Variants in FER observed in about 807,000 individuals in gnomAD.
FER encodes the protein FER tyrosine kinase.
Under a neutral mutation model 111.0 loss-of-function variants are expected in FER, and 63 were observed. The ratio of observed to expected loss-of-function variants is 0.57; its 90% confidence interval spans 0.46 to 0.70. The LOEUF (loss-of-function observed/expected upper bound fraction) is 0.70, where lower values mean the gene tolerates loss of function less well. Among genes scored for constraint, FER ranks in the 30% least tolerant of loss-of-function variants. The pLI is 0.00. For missense variants in FER, 914 were observed against 954.0 expected (o/e 0.96, Z 0.55); for synonymous variants, 327 against 313.9 (o/e 1.04, Z -0.44).
chr5:108,935,181 CT>C (rs1201332354), intron 10 of FER, among the ~76,000 whole-genome samples: 3 of 152,058 alleles, frequency 2.0e-5, no homozygotes, highest in Non-Finnish European at 4.4e-5. Context: ...ACAGAAATTT[CT>C]TCTTTCACAG....
chr5:109,001,757 C>T (rs1764806397), intron 13 of FER, among the ~76,000 whole-genome samples: 2 of 152,264 alleles, frequency 1.3e-5, no homozygotes, highest in Middle Eastern at 3.4e-3. Flanking sequence ...CCCAAAATCT[C>T]CTTAAGCTAA....
intron 17 of FER, among the ~76,000 whole-genome samples, chr5:109,165,883 A>G (rs1326782075): frequency 6.6e-6 from 1 of 151,758 alleles, no homozygotes; most frequent in Non-Finnish European, 1.5e-5. Flanking sequence ...TCAGCTGACC[A>G]AAACTGGCTG....
intron 17 of FER, among the ~76,000 whole-genome samples, chr5:109,166,592 G>A (rs1302573943): frequency 6.6e-6 from 1 of 152,176 alleles, no homozygotes; most frequent in African/African-American, 2.4e-5. Flanking sequence ...GTGTCTCAAA[G>A]TATAGTGTCT....
intron 17 of FER, among the ~76,000 whole-genome samples, chr5:109,136,529 G>A (rs1350012344): frequency 6.6e-6 from 1 of 152,088 alleles, no homozygotes; most frequent in African/African-American, 2.4e-5. Flanking sequence ...TGCTTAGAAA[G>A]ACAATCTTGA....
At chr5:108,921,879 T>A (rs962593309) in intron 10 of FER, among the ~76,000 whole-genome samples, 1 of 152,160 alleles carries the variant, frequency 6.6e-6, no homozygotes, top group Non-Finnish European at 1.5e-5. Context: ...TGGTTTGAAT[T>A]ATGTGCCCCC....
chr5:109,138,203 G>A (rs1753122458), intron 17 of FER, among the ~76,000 whole-genome samples: 1 of 152,194 alleles, frequency 6.6e-6, no homozygotes. Flanking sequence ...TGTTTCTTCA[G>A]ATTACCAAGG....
At chr5:108,899,655 T>A (rs975568501) in intron 10 of FER, among the ~76,000 whole-genome samples, 1 of 150,568 alleles carries the variant, frequency 6.6e-6, no homozygotes, top group Non-Finnish European at 1.5e-5. Flanking sequence ...AAAAAAAAAA[T>A]TAGCTGGGTG....
intron 9 of FER, among the ~76,000 whole-genome samples, chr5:108,885,031 G>C (rs62360793): frequency 0.23 from 34,260 of 151,556 alleles, 4,060 homozygotes; most frequent in African/African-American, 0.28. Context: ...ATTCTCTTCC[G>C]CTCAGCCAAT....
chr5:109,131,903 G>A (rs114074191), intron 17 of FER, among the ~76,000 whole-genome samples: 2,600 of 152,168 alleles, frequency 0.017, 60 homozygotes, highest in African/African-American at 0.059. Context: ...AATTAAAACC[G>A]CTTTGCTGTC....
chr5:108,965,940 T>C (rs1759751477), intron 13 of FER, among the ~76,000 whole-genome samples: 2 of 152,196 alleles, frequency 1.3e-5, no homozygotes, highest in Admixed American at 6.5e-5. Context: ...CTTGATCTAC[T>C]TAATAATATA....
intron 18 of FER, among the ~76,000 whole-genome samples, chr5:109,182,684 C>G (rs528003754): frequency 6.6e-6 from 1 of 152,284 alleles, no homozygotes; most frequent in Non-Finnish European, 1.5e-5. Context: ...TACTCTTAAA[C>G]AATTTTGCCA....
chr5:109,001,843 G>T (rs1020986675), intron 13 of FER, among the ~76,000 whole-genome samples: 1 of 151,528 alleles, frequency 6.6e-6, no homozygotes, highest in Non-Finnish European at 1.5e-5. Flanking sequence ...ACCAATAACA[G>T]ACAAACAGAG....
chr5:108,845,374 G>A (rs1360343790), intron 5 of FER, among the ~76,000 whole-genome samples: 1 of 151,414 alleles, frequency 6.6e-6, no homozygotes, highest in Non-Finnish European at 1.5e-5. Flanking sequence ...GTAGAGATGG[G>A]GTTTCACCAT....
intron 13 of FER, among the ~76,000 whole-genome samples, chr5:109,027,561 A>G (rs1768930399): frequency 6.6e-6 from 1 of 152,122 alleles, no homozygotes; most frequent in Non-Finnish European, 1.5e-5. Context: ...TACCTACTTG[A>G]GATCGAATTT....
Position 109,190,208 on chromosome 5 carries a change from C to A in FER, c.*2633C>A, listed in dbSNP as rs151027000. ...GCCCAGGAAGCACGAACATACTGTT[C>A]AGAATGTGCAAGTTGATGTAGGGAA... On this transcript the variant is annotated 3_prime_UTR_variant, in exon 20 of 20. Transcript: ENST00000281092. 6.2e-4 allele frequency: 94 copies of A among 152,174 alleles called. No homozygotes were observed. The East Asian group carries it at 0.018, about 28-fold the overall frequency. The allele number at this position is 152,174 out of a possible 1,614,324, so 9.4% of individuals were successfully genotyped here.
chr5:108,958,329 C>T lies in FER; in HGVS notation c.1534-896C>T, dbSNP rs571520417. On this transcript the variant is annotated intron_variant, in intron 12 of 19. Transcript: ENST00000281092. Reference sequence around the variant, plus strand: ...ACAGCATTTTCTTAAAATGGGGGTACTCCCATATCTGTATTTGTATATATC... The same window carrying T: ...ACAGCATTTTCTTAAAATGGGGGTATTCCCATATCTGTATTTGTATATATC... 3.3e-5 allele frequency among the ~76,000 whole-genome samples: 5 copies of T among 151,776 alleles called. No homozygotes were observed. The East Asian group carries it at 7.7e-4, about 23-fold the overall frequency.
intron 3 of FER, among the ~76,000 whole-genome samples, chr5:108,798,790 G>A (rs980451900): frequency 2.0e-5 from 3 of 152,188 alleles, no homozygotes; most frequent in Non-Finnish European, 2.9e-5. Flanking sequence ...CAAGGCTGCA[G>A]TGAGCCGTGG....
At chr5:109,116,740 C>A (rs1213925031) in intron 17 of FER, among the ~76,000 whole-genome samples, 1 of 152,120 alleles carries the variant, frequency 6.6e-6, no homozygotes. Context: ...TGCATTTTGC[C>A]TTCAGGATGT....
chr5:109,151,591 A>G (rs1200519564), intron 17 of FER, among the ~76,000 whole-genome samples: 2 of 152,148 alleles, frequency 1.3e-5, no homozygotes, highest in African/African-American at 2.4e-5. Flanking sequence ...ACTTGACTCC[A>G]GAAGAGATGG....
Sources: allele counts gnomAD v4.1 joint callset (sites outside exome capture counted in the v4.1 genomes callset), GRCh38; gene constraint gnomAD v4.1.1; transcripts MANE v1.5; gene names NCBI Gene and HGNC (gene_info 2026-07-23, HGNC 2026-07-21).